The following PCDH11X variants were observed in gnomAD, a reference collection of about 807,000 sequenced individuals.
The protein encoded by PCDH11X is protocadherin-11 X-linked.
PCDH11X carries 18 observed loss-of-function variants against 53.3 expected under a neutral mutation model. The observed-to-expected ratio is 0.34, with a 90% CI of 0.23 to 0.50. PCDH11X has a LOEUF of 0.50. PCDH11X is among the 20% of genes least tolerant of loss of function. PCDH11X has a pLI of 0.98. For missense variants in PCDH11X, 570 were observed against 1,032.4 expected, an observed-to-expected ratio of 0.55 and a Z score of 6.14; for synonymous variants, 279 against 393.3, an observed-to-expected ratio of 0.71 and a Z score of 3.44.
At chrX:92,469,676 T>C (rs1027148831) in intron 10 of PCDH11X, among the ~76,000 whole-genome samples, 1 of 111,826 alleles carries the variant, frequency 8.9e-6, no homozygotes, top group Non-Finnish European at 1.9e-5. Context: ...TTCCCTAATG[T>C]ATATTCTTGG....
chrX:92,267,014 G>A (rs2067847379), intron 8 of PCDH11X, among the ~76,000 whole-genome samples: 1 of 111,301 alleles, frequency 9.0e-6, no homozygotes. Context: ...CAAAGTGCTG[G>A]GATTACAGGT....
intron 6 of PCDH11X, among the ~76,000 whole-genome samples, chrX:92,068,859 A>C (rs1458078185): frequency 1.0e-4 from 11 of 110,538 alleles, no homozygotes; most frequent in Non-Finnish European, 1.1e-4. Context: ...ATATTGTTTC[A>C]ATTTTTTGAA....
intron 9 of PCDH11X, among the ~76,000 whole-genome samples, chrX:92,417,794 A>T (rs2071849565): frequency 1.0e-5 from 1 of 96,631 alleles, no homozygotes; most frequent in Non-Finnish European, 2.0e-5. Context: ...CCGTGGTCAC[A>T]CACTTTTGTT....
At chrX:92,474,941 G>A (rs1437377810) in intron 10 of PCDH11X, among the ~76,000 whole-genome samples, 3 of 106,360 alleles carry the variant, frequency 2.8e-5, no homozygotes, top group South Asian at 4.3e-4. Context: ...CGAGGCGGGT[G>A]GATCACGAGG....
At chrX:92,199,834 C>T (rs2066359492) in intron 6 of PCDH11X, among the ~76,000 whole-genome samples, 1 of 111,476 alleles carries the variant, frequency 9.0e-6, no homozygotes, top group South Asian at 3.7e-4. Flanking sequence ...CAAGATACAT[C>T]CACATAGACT....
At position 92,037,477 on chromosome X, in the gene PCDH11X, G is replaced by A. The variant is rs555826326; in HGVS notation, c.3033+158204G>A. 2.7e-5 allele frequency among the ~76,000 whole-genome samples: 3 copies of A among 111,579 alleles called. No homozygotes were observed. The South Asian group carries it at 1.1e-3, about 42-fold the overall frequency. On this transcript the variant is annotated intron_variant, in intron 6 of 10. Transcript: ENST00000682573. ...TCTATTACTGATGGGCATTTGGGTTGGTTCCATGTTTTTGCTATTGTAAAT... is the reference window on the plus strand; with the variant it reads ...TCTATTACTGATGGGCATTTGGGTTAGTTCCATGTTTTTGCTATTGTAAAT...
At chrX:92,420,675 AT>A (rs1267711522) in intron 9 of PCDH11X, 1 of 174,664 alleles carries the variant, frequency 5.7e-6, no homozygotes, top group Non-Finnish European at 1.1e-5. Flanking sequence ...GGTAATTCAA[AT>A]TATTGTTCCA....
At chrX:91,937,980 T>C (rs991241497) in intron 6 of PCDH11X, among the ~76,000 whole-genome samples, 1 of 111,274 alleles carries the variant, frequency 9.0e-6, no homozygotes, top group African/African-American at 3.3e-5. Context: ...ACTAGAATAT[T>C]TCATGACAAA....
chrX:92,566,121 G>T (rs189810924), intron 10 of PCDH11X, among the ~76,000 whole-genome samples: 1 of 109,183 alleles, frequency 9.2e-6, no homozygotes, highest in East Asian at 2.9e-4. Context: ...TTGGCTTTTT[G>T]TGGTGGTTGC....
chrX:92,280,883 T>G (rs1247408891), intron 8 of PCDH11X, among the ~76,000 whole-genome samples: 1 of 111,219 alleles, frequency 9.0e-6, no homozygotes, highest in African/African-American at 3.3e-5. Flanking sequence ...CTAATATCAA[T>G]ACCAAAATAA....
At chrX:91,954,565 C>T (rs7060791) in intron 6 of PCDH11X, among the ~76,000 whole-genome samples, 1,643 of 111,307 alleles carry the variant, frequency 0.015, 41 homozygotes, top group African/African-American at 0.052. Context: ...AACTAATTTA[C>T]ACTCACACCA....
intron 7 of PCDH11X, 98 bp from the exon 8 acceptor site, chrX:92,263,012 CAAAA>C: frequency 1.1e-6 from 1 of 876,148 alleles, no homozygotes; most frequent in Non-Finnish European, 1.5e-6. Context: ...GCTTTTTTTT[CAAAA>C]AAAAAAAAAA....
At chrX:92,137,069 C>A (rs1448110130) in intron 6 of PCDH11X, among the ~76,000 whole-genome samples, 1 of 106,876 alleles carries the variant, frequency 9.4e-6, no homozygotes, top group Non-Finnish European at 1.9e-5. Context: ...TCATGGCTCA[C>A]TGAAGCCTCA....
intron 8 of PCDH11X, among the ~76,000 whole-genome samples, chrX:92,292,556 G>T (rs960742931): frequency 9.0e-5 from 10 of 111,053 alleles, no homozygotes; most frequent in African/African-American, 3.3e-4. Context: ...GAATGAAACT[G>T]TCATTTACTG....
At chrX:92,021,780 A>G (rs1237979190) in intron 6 of PCDH11X, among the ~76,000 whole-genome samples, 1 of 108,324 alleles carries the variant, frequency 9.2e-6, no homozygotes, top group African/African-American at 3.4e-5. Context: ...AGAAAGGCCA[A>G]GTCACCTACA....
At chrX:92,004,429 G>A (rs2062562052) in intron 6 of PCDH11X, among the ~76,000 whole-genome samples, 1 of 110,889 alleles carries the variant, frequency 9.0e-6, no homozygotes, top group African/African-American at 3.3e-5. Context: ...TAAATATGAT[G>A]TTTCATTGTT....
chrX:92,416,634 A>G (rs1037899850), intron 9 of PCDH11X, among the ~76,000 whole-genome samples: 2 of 110,667 alleles, frequency 1.8e-5, no homozygotes, highest in East Asian at 2.9e-4. Context: ...CAAAGAAATG[A>G]TAAATGTTTG....
intron 6 of PCDH11X, among the ~76,000 whole-genome samples, chrX:92,139,897 A>G (rs1345231428): frequency 9.1e-6 from 1 of 110,372 alleles, no homozygotes; most frequent in Non-Finnish European, 1.9e-5. Flanking sequence ...CTAGTTATTC[A>G]TATCTATATT....
intron 8 of PCDH11X, among the ~76,000 whole-genome samples, chrX:92,369,574 G>A (rs978433048): frequency 1.8e-5 from 2 of 111,093 alleles, no homozygotes; most frequent in African/African-American, 6.6e-5. Context: ...AAAGACTCTT[G>A]CAGCTAGGTC....
Sources: allele counts gnomAD v4.1 joint callset (sites outside exome capture counted in the v4.1 genomes callset), GRCh38; gene constraint gnomAD v4.1.1; transcripts MANE v1.5; gene names NCBI Gene and HGNC (gene_info 2026-07-23, HGNC 2026-07-21).